LRP1: variants seen among roughly 807,000 people sequenced by gnomAD.
The protein encoded by LRP1 is LDL receptor related protein 1, also known as prolow-density lipoprotein receptor-related protein 1.
LRP1 carries 51 observed loss-of-function variants against 541.5 expected under a neutral mutation model. That is an observed-to-expected ratio of 0.09 (90% CI 0.08 to 0.12). The LOEUF (loss-of-function observed/expected upper bound fraction) is 0.12, where lower values mean the gene tolerates loss of function less well. LRP1 is among the 10% of genes least tolerant of loss of function. LRP1 has a pLI of 1.00. For synonymous variants in LRP1, 2,219 were observed against 2,470.8 expected (o/e 0.90, Z 3.02); for missense variants, 3,878 against 6,376.2 (o/e 0.61, Z 13.34).
chr12:57,212,376 A>G lies in LRP1; in HGVS notation c.13495-39A>G. 6.2e-7 allele frequency: 1 copy of G among 1,613,924 alleles called. No homozygotes were observed. The highest frequency in any genetic ancestry group is 8.5e-7 in the Non-Finnish European group (1 of 1,179,956). On this transcript the variant is annotated intron_variant, in intron 88 of 88. Coordinates refer to ENST00000243077, the MANE Select transcript of LRP1 (RefSeq NM_002332.3). This position sits in a 1 kb window ranked among gnomAD's most constrained non-coding sequence, Gnocchi z 5.0. ...GTGGGGTAACCTGGGCTACAGGCCC[A>G]GCTCCTGAGCCCTACCTGAACCCTC...
chr12:57,175,856 G>A (rs2036035619), intron 23 of LRP1, 53 bp from the exon 24 acceptor site: 1 of 1,598,420 alleles, frequency 6.3e-7, no homozygotes, highest in Non-Finnish European at 8.6e-7. Flanking sequence ...CAGGACGGGT[G>A]GCACACAGGC....
At chr12:57,170,011 T>C (rs370116028) in intron 20 of LRP1, among the ~76,000 whole-genome samples, 39 of 152,362 alleles carry the variant, frequency 2.6e-4, no homozygotes, top group African/African-American at 9.1e-4. Context: ...CAGACCCAAC[T>C]GTTGGCAGGG....
chr12:57,163,146 G>A (rs2035772577), intron 15 of LRP1, among the ~76,000 whole-genome samples, 163 bp downstream of exon 15: 1 of 152,162 alleles, frequency 6.6e-6, no homozygotes, highest in African/African-American at 2.4e-5. Context: ...CAAAGGCTCT[G>A]GGGGCTAGGA....
chr12:57,202,751 C>T (rs1052714609), intron 68 of LRP1: 32 of 600,650 alleles, frequency 5.3e-5, no homozygotes, highest in Admixed American at 1.1e-4. Context: ...ACTGTCCTCT[C>T]GGGGTTGCAG....
rs1473838519 is a variant in LRP1, at chr12:57,184,309, C to T, written c.6060-17C>T. On this transcript the variant is annotated splice_polypyrimidine_tract_variant and intron_variant, in intron 37 of 88. Transcript: ENST00000243077. This position sits in a 1 kb window ranked among gnomAD's most constrained non-coding sequence, Gnocchi z 7.8. ...AGGGTCTGAGGACTGACCCCCACTT[C>T]CACCCCCACCCTACAGGTACTTGTT... The T allele has an allele frequency of 1.2e-5, 20 of 1,614,070 alleles. No individual in the cohort carries two copies. The highest frequency in any genetic ancestry group is 1.7e-5 in the Non-Finnish European group (20 of 1,180,036).
intron 42 of LRP1, among the ~76,000 whole-genome samples, chr12:57,188,243 G>C (rs1238728803): frequency 1.3e-5 from 2 of 152,144 alleles, no homozygotes; most frequent in African/African-American, 4.8e-5. Flanking sequence ...CGGCTGTTTG[G>C]GCCTCTAGTG....
Position 57,195,118 on chromosome 12 carries a change from T to C in LRP1, c.8308+17T>C. The C allele has an allele frequency of 6.2e-7, 1 of 1,610,598 alleles. No individual in the cohort carries two copies. The highest frequency in any genetic ancestry group is 8.5e-7 in the Non-Finnish European group (1 of 1,177,096). ...CTCACTGTGGTAAGGAAGCTGGGAT[T>C]GGGCCGGGGGAGGTGCCCCAGGGAG... On this transcript the variant is annotated intron_variant, in intron 51 of 88. Coordinates refer to ENST00000243077, the MANE Select transcript of LRP1 (RefSeq NM_002332.3).
Position 57,176,084 on chromosome 12 carries a change from C to T in LRP1, c.3969C>T (p.Arg1323=), listed in dbSNP as rs148458507. Residue 1323 remains arginine (R), a synonymous_variant, in exon 24 of 89, where the codon CGC becomes CGT. Coordinates refer to ENST00000243077, the MANE Select transcript of LRP1 (RefSeq NM_002332.3). The part of the protein sequence containing the change: ...WTDVVEDKIY[R]GKLLDNGALT... ...ACGTGGTGGAGGACAAGATCTACCG[C>T]GGGAAGCTGCTGGACAACGGAGGTG... 722 of 1,614,138 alleles carry T rather than the reference C, an allele frequency of 4.5e-4. 3 individuals are homozygous for T. Among genetic ancestry groups the T allele is most frequent in the Non-Finnish European group, 5.3e-5 (62 of 1,180,034 alleles).
At position 57,169,198 on chromosome 12, in the gene LRP1, C is replaced by A. The variant is rs201725937; in HGVS notation, c.3054C>A (p.Thr1018=). Residue 1018 remains threonine, a synonymous_variant, in exon 20 of 89, where the codon ACC becomes ACA. Transcript: ENST00000243077. The part of the protein sequence containing the change: ...EAGCSHSCSS[T]QFKCNSGRCI... ...GCTGCAGCCACTCCTGTTCTAGCAC[C>A]CAGTTCAAGTGCAACAGCGGGCGTT... 1 of 1,614,042 alleles carries A rather than the reference C, an allele frequency of 6.2e-7. No individual in the cohort carries two copies. The highest frequency in any genetic ancestry group is 1.7e-5 in the Admixed American group (1 of 60,028).
chr12:57,200,676 C>T (rs368376950), intron 63 of LRP1, 23 bp from the exon 64 acceptor site: 5 of 1,603,712 alleles, frequency 3.1e-6, no homozygotes, highest in Middle Eastern at 1.7e-4. Context: ...GCCGCTCTGA[C>T]TCTGAGCCTC....
chr12:57,131,372 A>G (rs1227859244), intron 1 of LRP1, among the ~76,000 whole-genome samples: 2 of 152,132 alleles, frequency 1.3e-5, no homozygotes, highest in African/African-American at 4.8e-5. Context: ...GAATGGGACT[A>G]TTGAGGGCCC....
At position 57,154,384 on chromosome 12, in the gene LRP1, G is replaced by A. The variant is rs147118315; in HGVS notation, c.1004+14G>A. The A allele has an allele frequency of 7.2e-4, 1,158 of 1,604,796 alleles. No homozygotes were observed. Among genetic ancestry groups the A allele is most frequent in the South Asian group, 1.2e-3 (110 of 90,758 alleles). On this transcript the variant is annotated intron_variant, in intron 7 of 88. Coordinates refer to ENST00000243077, the MANE Select transcript of LRP1 (RefSeq NM_002332.3). The surrounding 1 kb of genome is among the most constrained non-coding windows in gnomAD (Gnocchi z 4.6). ...CCCTGCCATGGGGTGAGAGTGGCAGGCGGGGTTCTGGCCCTGGAAGGTGGG... is the reference window on the plus strand; with the variant it reads ...CCCTGCCATGGGGTGAGAGTGGCAGACGGGGTTCTGGCCCTGGAAGGTGGG...
At chr12:57,133,980 A>G (rs2035097294) in intron 1 of LRP1, among the ~76,000 whole-genome samples, 1 of 152,114 alleles carries the variant, frequency 6.6e-6, no homozygotes, top group Non-Finnish European at 1.5e-5. Flanking sequence ...CCCCACCCCC[A>G]AGGTCCCAGA....
rs769590910 is a variant in LRP1 at position 57,210,851 on chromosome 12, C to G, written c.12888C>G (p.Pro4296=). ...ACCAGCCCCAGTGCCGATGCCTACC[C>G]GGCTTCCTGGGCGACCGCTGCCAGT... ...QGNQPQCRCL[P]GFLGDRCQYR... The change falls in exon 83 of 89, where the codon CCC becomes CCG. Residue 4296 remains proline (P), a synonymous_variant. Transcript: ENST00000243077. 6.2e-7 allele frequency: 1 copy of G among 1,612,798 alleles called. No homozygotes were observed. Among genetic ancestry groups the G allele is most frequent in the South Asian group, 1.1e-5 (1 of 91,046 alleles).
Position 57,212,145 on chromosome 12 carries a change from A to G in LRP1, c.13378A>G (p.Thr4460Ala). The G allele has an allele frequency of 6.2e-7, 1 of 1,613,952 alleles. No homozygotes were observed. Among genetic ancestry groups the G allele is most frequent in the Non-Finnish European group, 8.5e-7 (1 of 1,179,978 alleles). Residue 4460 changes from threonine (T) to alanine (A), a missense_variant, in exon 88 of 89, where the codon ACC becomes GCC. By Grantham distance (58) the Thr-to-Ala change is moderately conservative. Coordinates refer to ENST00000243077, the MANE Select transcript of LRP1 (RefSeq NM_002332.3). This position sits in a 1 kb window ranked among gnomAD's most constrained non-coding sequence, Gnocchi z 5.0. ...GAKGFQHQRM[T>A]NGAMNVEIGN... ...TAAGGGCTTCCAGCACCAACGGATG[A>G]CCAACGGGGCCATGAACGTGGAGAT...
Position 57,175,716 on chromosome 12 carries a change from A to C in LRP1, c.3793+11A>C. On this transcript the variant is annotated intron_variant, in intron 23 of 88. Coordinates refer to ENST00000243077, the MANE Select transcript of LRP1 (RefSeq NM_002332.3). The stretch of plus-strand genomic sequence containing the variant: ...GCTGCCGCAGCCTGGGTGAGACAAC[A>C]GTGAGGTGTGGTGGGGCAGGCCGAG... 6.4e-7 allele frequency: 1 copy of C among 1,561,498 alleles called. No homozygotes were observed. The highest frequency in any genetic ancestry group is 2.3e-5 in the East Asian group (1 of 44,432).
intron 15 of LRP1, chr12:57,164,931 G>C (rs1174287268): frequency 1.3e-5 from 2 of 152,284 alleles, no homozygotes; most frequent in East Asian, 3.8e-4. Context: ...AACTGAACCA[G>C]GAGTGATTTT....
chr12:57,191,580 CCA>C (rs2036380840), intron 44 of LRP1, 68 bp downstream of exon 44: 1 of 1,412,030 alleles, frequency 7.1e-7, no homozygotes, highest in Admixed American at 1.9e-5. Context: ...AACACACACC[CCA>C]CACACACATC....
intron 51 of LRP1, 55 bp downstream of exon 51, chr12:57,195,156 C>T (rs573588718): frequency 1.3e-6 from 2 of 1,596,110 alleles, no homozygotes; most frequent in African/African-American, 1.3e-5. Context: ...ACAGACCCCA[C>T]CCAACTCCAC....
Sources: allele counts gnomAD v4.1 joint callset (sites outside exome capture counted in the v4.1 genomes callset), GRCh38; gene constraint gnomAD v4.1.1; non-coding constraint Gnocchi (gnomAD v3.1); transcripts MANE v1.5; gene names NCBI Gene and HGNC (gene_info 2026-07-23, HGNC 2026-07-21).